Variants in SH3GL3 observed in about 807,000 individuals in gnomAD.
SH3GL3 encodes endophilin-A3.
SH3GL3 carries 33 observed loss-of-function variants against 47.7 expected under a neutral mutation model. The ratio of observed to expected loss-of-function variants is 0.69; its 90% CI spans 0.52 to 0.92. SH3GL3 has a LOEUF of 0.92. Among genes scored for constraint, SH3GL3 ranks in the 40% least tolerant of loss-of-function variants. The pLI, the probability that SH3GL3 is intolerant of heterozygous loss-of-function variation, is 0.00. For missense variants in SH3GL3, 363 were observed against 417.8 expected (o/e 0.87, Z 1.14); for synonymous variants, 155 against 148.8 (o/e 1.04, Z -0.30).
At chr15:83,511,728 CTT>C (rs1026768332) in intron 1 of SH3GL3, among the ~76,000 whole-genome samples, 18 of 152,168 alleles carry the variant, frequency 1.2e-4, no homozygotes, top group Admixed American at 1.3e-4. Flanking sequence ...AATTTTCTCT[CTT>C]TTCTCTCTCC....
Position 83,521,463 on chromosome 15 carries a change from A to T in SH3GL3, c.46-37790A>T, listed in dbSNP as rs528671725. Among the ~76,000 whole-genome samples the T allele has an allele frequency of 7.2e-5, 11 of 152,202 alleles. No homozygotes were observed. In the East Asian group the frequency reaches 7.7e-4, roughly 11 times the overall value. On this transcript the variant is annotated intron_variant, in intron 1 of 8. Coordinates refer to ENST00000427482, the MANE Select transcript of SH3GL3 (RefSeq NM_003027.5). The stretch of plus-strand genomic sequence containing the variant: ...GGATGGTGCTGAGGATGGGGAGGGG[A>T]GAGCTGGGAATGGAATGGCCCAGGA...
intron 1 of SH3GL3, among the ~76,000 whole-genome samples, chr15:83,531,597 G>T (rs904329692): frequency 6.6e-6 from 1 of 152,152 alleles, no homozygotes; most frequent in Admixed American, 6.5e-5. Flanking sequence ...TATTTTAAAG[G>T]TGATGGAATC....
chr15:83,482,221 G>T (rs1270945638), intron 1 of SH3GL3, among the ~76,000 whole-genome samples: 1 of 151,926 alleles, frequency 6.6e-6, no homozygotes, highest in East Asian at 1.9e-4. Flanking sequence ...CTTTATATAT[G>T]AAATATATTA....
chr15:83,574,734 T>C (rs1463175518), intron 5 of SH3GL3, among the ~76,000 whole-genome samples: 1 of 152,146 alleles, frequency 6.6e-6, no homozygotes, highest in Non-Finnish European at 1.5e-5. Context: ...CCACATGAAC[T>C]CTGCCCAGCC....
At chr15:83,464,008 C>T (rs898641484) in intron 1 of SH3GL3, among the ~76,000 whole-genome samples, 8 of 152,064 alleles carry the variant, frequency 5.3e-5, no homozygotes, top group Admixed American at 6.5e-5. Flanking sequence ...GTGATCCGCC[C>T]GCCTCGGCCT....
chr15:83,497,210 T>G (rs914118154), intron 1 of SH3GL3, among the ~76,000 whole-genome samples: 5 of 152,214 alleles, frequency 3.3e-5, no homozygotes, highest in Non-Finnish European at 7.3e-5. Context: ...TCATGGCTCT[T>G]GAAGACCCGT....
At chr15:83,549,572 T>C (rs551077347) in intron 1 of SH3GL3, among the ~76,000 whole-genome samples, 105 of 152,182 alleles carry the variant, frequency 6.9e-4, no homozygotes, top group Non-Finnish European at 1.0e-3. Context: ...TTCTGTCTCT[T>C]GATCACTGTG....
chr15:83,476,041 G>T (rs2041079703), intron 1 of SH3GL3, among the ~76,000 whole-genome samples: 1 of 152,162 alleles, frequency 6.6e-6, no homozygotes, highest in Non-Finnish European at 1.5e-5. Context: ...GCTATACAAA[G>T]TGTTTTAGTG....
intron 2 of SH3GL3, among the ~76,000 whole-genome samples, chr15:83,561,115 A>C (rs2045247384): frequency 3.3e-5 from 5 of 152,164 alleles, no homozygotes; most frequent in Admixed American, 3.3e-4. Flanking sequence ...ATTTGCATAA[A>C]ATATGATTAA....
chr15:83,591,795 C>T (rs1245324023), intron 8 of SH3GL3, among the ~76,000 whole-genome samples: 2 of 152,186 alleles, frequency 1.3e-5, no homozygotes, highest in Non-Finnish European at 2.9e-5. Flanking sequence ...AGGCCATTCT[C>T]CTGCCTCGGC....
chr15:83,598,819 ATG>A (rs1567026011), intron 8 of SH3GL3, among the ~76,000 whole-genome samples: 2 of 152,242 alleles, frequency 1.3e-5, no homozygotes, highest in Admixed American at 1.3e-4. Flanking sequence ...AGACTACAGA[ATG>A]TATCTTTTGG....
intron 8 of SH3GL3, among the ~76,000 whole-genome samples, chr15:83,599,375 A>C (rs2060320762): frequency 6.6e-6 from 1 of 152,290 alleles, no homozygotes; most frequent in East Asian, 1.9e-4. Flanking sequence ...AAGTCCCCAA[A>C]GTCCATTGTA....
intron 8 of SH3GL3, among the ~76,000 whole-genome samples, chr15:83,604,202 T>G (rs2060460337): frequency 6.6e-6 from 1 of 151,908 alleles, no homozygotes; most frequent in Non-Finnish European, 1.5e-5. Context: ...ATTTTGACAG[T>G]GAGTTCAACC....
chr15:83,579,928 T>C (rs190135528), intron 6 of SH3GL3, among the ~76,000 whole-genome samples: 109 of 152,340 alleles, frequency 7.2e-4, no homozygotes, highest in African/African-American at 2.5e-3. Context: ...AATCTCCTGC[T>C]GGTCACTCCT....
intron 1 of SH3GL3, among the ~76,000 whole-genome samples, chr15:83,473,944 AGAGAAC>A (rs1408317831): frequency 6.6e-6 from 1 of 151,474 alleles, no homozygotes; most frequent in East Asian, 1.9e-4. Context: ...AAGAAAACTG[AGAGAAC>A]CCATGACCTT....
At chr15:83,513,984 G>C (rs2042879707) in intron 1 of SH3GL3, among the ~76,000 whole-genome samples, 2 of 152,144 alleles carry the variant, frequency 1.3e-5, no homozygotes, top group Admixed American at 1.3e-4. Flanking sequence ...ACTAGTCCAT[G>C]AGGATTTTTT....
At chr15:83,450,670 A>G (rs2039698997) in intron 1 of SH3GL3, among the ~76,000 whole-genome samples, 1 of 150,698 alleles carries the variant, frequency 6.6e-6, no homozygotes, top group Admixed American at 6.6e-5. Context: ...AATTAATTCT[A>G]AGTTTCAGCG....
intron 1 of SH3GL3, among the ~76,000 whole-genome samples, chr15:83,465,045 T>G (rs2040502989): frequency 6.7e-6 from 1 of 148,708 alleles, no homozygotes; most frequent in Non-Finnish European, 1.5e-5. Flanking sequence ...AAACAGCTCA[T>G]GTGGGAAAAA....
At chr15:83,473,649 G>A (rs1393325607) in intron 1 of SH3GL3, among the ~76,000 whole-genome samples, 1 of 151,502 alleles carries the variant, frequency 6.6e-6, no homozygotes, top group Non-Finnish European at 1.5e-5. Flanking sequence ...CTGGGTTCAC[G>A]CCATTCTCCT....
Sources: allele counts gnomAD v4.1 joint callset (sites outside exome capture counted in the v4.1 genomes callset), GRCh38; gene constraint gnomAD v4.1.1; transcripts MANE v1.5; gene names NCBI Gene and HGNC (gene_info 2026-07-23, HGNC 2026-07-21).